The following VOPP1 variants were observed in gnomAD, a reference collection of about 807,000 sequenced individuals.
The protein encoded by VOPP1 is WW domain binding protein VOPP1.
VOPP1 carries 8 observed loss-of-function variants against 23.5 expected under a neutral mutation model. The ratio of observed to expected loss-of-function variants is 0.34; its 90% CI spans 0.20 to 0.61. VOPP1 has a LOEUF of 0.61. VOPP1 is among the 20% of genes least tolerant of loss of function. The pLI is 0.78. For missense variants in VOPP1, 174 were observed against 238.1 expected (o/e 0.73, Z 1.77); for synonymous variants, 83 against 97.3 (o/e 0.85, Z 0.86).
chr7:55,567,398 T>C (rs73141737), intron 1 of VOPP1, among the ~76,000 whole-genome samples: 11,331 of 152,216 alleles, frequency 0.074, 702 homozygotes, highest in East Asian at 0.29. Context: ...AAATTTTAAA[T>C]AGGGTGGTCA....
At chr7:55,458,413 G>T (rs941862663) in intron 4 of VOPP1, among the ~76,000 whole-genome samples, 40 of 151,860 alleles carry the variant, frequency 2.6e-4, no homozygotes, top group African/African-American at 9.4e-4. Flanking sequence ...ATTCTTTTTT[G>T]ATTTCATATG....
At chr7:55,464,203 A>C (rs112003718) in intron 4 of VOPP1, among the ~76,000 whole-genome samples, 1,828 of 152,266 alleles carry the variant, frequency 0.012, 13 homozygotes, top group Admixed American at 0.021. Flanking sequence ...CTAGAAGTGG[A>C]AGGTGGGATA....
At chr7:55,500,296 G>A (rs373423882) in intron 2 of VOPP1, among the ~76,000 whole-genome samples, 51 of 152,334 alleles carry the variant, frequency 3.3e-4, no homozygotes, top group Middle Eastern at 3.4e-3. Context: ...CTTGCAGACT[G>A]GAGATTCTCC....
intron 1 of VOPP1, among the ~76,000 whole-genome samples, chr7:55,569,413 G>A (rs1277140260): frequency 6.6e-6 from 1 of 152,114 alleles, no homozygotes; most frequent in African/African-American, 2.4e-5. Flanking sequence ...CACTTTCCAG[G>A]GCCACCACTG....
intron 4 of VOPP1, among the ~76,000 whole-genome samples, chr7:55,436,973 TA>T (rs1287311518): frequency 6.6e-6 from 1 of 152,182 alleles, no homozygotes; most frequent in Non-Finnish European, 1.5e-5. Flanking sequence ...CACATGTTGA[TA>T]AAGATATTAC....
intron 4 of VOPP1, among the ~76,000 whole-genome samples, chr7:55,478,818 T>C (rs1221364300): frequency 6.6e-6 from 1 of 152,246 alleles, no homozygotes; most frequent in Non-Finnish European, 1.5e-5. Flanking sequence ...ATTTCAATTT[T>C]ACAGATTCAA....
intron 1 of VOPP1, among the ~76,000 whole-genome samples, chr7:55,543,040 C>T (rs926423593): frequency 2.0e-5 from 3 of 151,980 alleles, no homozygotes; most frequent in African/African-American, 7.3e-5. Context: ...TTCAGCCTCT[C>T]GAGTAGCTGG....
intron 4 of VOPP1, among the ~76,000 whole-genome samples, chr7:55,462,266 CT>C (rs1051804915): frequency 7.9e-5 from 12 of 152,024 alleles, no homozygotes; most frequent in Non-Finnish European, 1.5e-4. Flanking sequence ...TTTTAGAATT[CT>C]TTTTTTGTCT....
At chr7:55,523,122 G>A (rs1300969334) in intron 1 of VOPP1, among the ~76,000 whole-genome samples, 11 of 152,084 alleles carry the variant, frequency 7.2e-5, no homozygotes, top group Non-Finnish European at 1.5e-4. Context: ...CTGGACTCAC[G>A]AGAGCTCCCC....
chr7:55,556,165 C>T (rs1797795423), intron 1 of VOPP1, among the ~76,000 whole-genome samples: 1 of 152,220 alleles, frequency 6.6e-6, no homozygotes, highest in Non-Finnish European at 1.5e-5. Context: ...GCTGAGCTTC[C>T]TCTGAGACCT....
chr7:55,436,313 T>G (rs1417070621), intron 4 of VOPP1: 1 of 152,242 alleles, frequency 6.6e-6, no homozygotes, highest in African/African-American at 2.4e-5. Flanking sequence ...TTGGTCAAGT[T>G]ATTTCTTGAG....
At chr7:55,535,636 T>C (rs749748041) in intron 1 of VOPP1, among the ~76,000 whole-genome samples, 2 of 152,256 alleles carry the variant, frequency 1.3e-5, no homozygotes, top group Non-Finnish European at 2.9e-5. Context: ...TCAGTGTCAC[T>C]TGGATGAAAA....
chr7:55,453,704 T>C (rs1007390922), intron 4 of VOPP1, among the ~76,000 whole-genome samples: 7 of 152,166 alleles, frequency 4.6e-5, no homozygotes, highest in Non-Finnish European at 7.3e-5. Context: ...ATGAAAAAGT[T>C]TGAAATATTA....
chr7:55,538,015 C>T lies in VOPP1; in HGVS notation c.55-16885G>A, dbSNP rs541350592. ...CAGGAGCCCCCATTCAGCTCACACACCCAGATCCAAACACTGCCTCCAGCC... is the reference window on the plus strand; with the variant it reads ...CAGGAGCCCCCATTCAGCTCACACATCCAGATCCAAACACTGCCTCCAGCC... On this transcript the variant is annotated intron_variant, in intron 1 of 4. Coordinates refer to ENST00000285279, the MANE Select transcript of VOPP1 (RefSeq NM_030796.5). 1.8e-3 allele frequency among the ~76,000 whole-genome samples: 274 copies of T among 152,350 alleles called. 1 individual carries two copies. Among genetic ancestry groups the T allele is most frequent in the Admixed American group, 4.3e-3 (66 of 15,304 alleles).
intron 4 of VOPP1, among the ~76,000 whole-genome samples, chr7:55,490,152 C>T (rs190128806): frequency 2.6e-5 from 4 of 151,956 alleles, no homozygotes; most frequent in Admixed American, 6.6e-5. Flanking sequence ...GAGACCCTGC[C>T]GCAGAAAAAT....
At chr7:55,531,035 T>C (rs1309368801) in intron 1 of VOPP1, 1 of 152,194 alleles carries the variant, frequency 6.6e-6, no homozygotes, top group Non-Finnish European at 1.5e-5. Flanking sequence ...CAGAAATCAC[T>C]TTTTAGATGC....
intron 4 of VOPP1, among the ~76,000 whole-genome samples, chr7:55,489,993 T>C (rs1287535837): frequency 6.6e-6 from 1 of 152,010 alleles, no homozygotes; most frequent in Non-Finnish European, 1.5e-5. Flanking sequence ...GGAGGGCGTG[T>C]GCAGGCCTCA....
chr7:55,538,612 C>T (rs1796948008), intron 1 of VOPP1: 1 of 1,535,884 alleles, frequency 6.5e-7, no homozygotes, highest in Non-Finnish European at 8.7e-7. Flanking sequence ...TCTATACAAA[C>T]CTGCAAGAGC....
intron 4 of VOPP1, among the ~76,000 whole-genome samples, chr7:55,459,923 A>G (rs543420414): frequency 4.0e-5 from 6 of 151,274 alleles, no homozygotes; most frequent in Non-Finnish European, 7.4e-5. Context: ...TTGGTTTGTC[A>G]TTGGTTTTCT....
Sources: gnomAD v4.1 joint callset for allele counts (sites outside exome capture counted in the v4.1 genomes callset) on GRCh38, gnomAD v4.1.1 for gene constraint, MANE v1.5 for transcripts, NCBI Gene and HGNC (gene_info 2026-07-23, HGNC 2026-07-21) for gene names.